The following UNC13C variants were observed in gnomAD, a reference collection of about 807,000 sequenced individuals.
The protein encoded by UNC13C is protein unc-13 homolog C.
UNC13C carries 174 observed loss-of-function variants against 245.4 expected under a neutral mutation model. The ratio of observed to expected loss-of-function variants is 0.71; its 90% CI spans 0.63 to 0.80. The LOEUF is 0.80. UNC13C is among the 30% of genes least tolerant of loss of function. UNC13C has a pLI of 0.00. For synonymous variants in UNC13C, 992 were observed against 895.1 expected (o/e 1.11, Z -1.93); for missense variants, 2,829 against 2,602.9 (o/e 1.09, Z -1.89).
intron 18 of UNC13C, among the ~76,000 whole-genome samples, chr15:54,403,874 C>T (rs923392417): frequency 2.6e-5 from 4 of 151,984 alleles, no homozygotes; most frequent in African/African-American, 9.7e-5. Flanking sequence ...TCAAATGGCA[C>T]TTATGATCAA....
chr15:54,321,139 G>A (rs1203156329), intron 13 of UNC13C: 2 of 516,874 alleles, frequency 3.9e-6, no homozygotes, highest in African/African-American at 1.9e-5. Context: ...CTCTTGCTCT[G>A]ACAGGGCTTT....
At chr15:53,885,562 G>A in the UNC13C span, among the ~76,000 whole-genome samples, 13 of 152,152 alleles carry the variant, frequency 8.5e-5, no homozygotes, top group Non-Finnish European at 1.5e-4. Context: ...TAAAACCTAA[G>A]CATAAAATAG....
rs961032078 is a variant in UNC13C, at chr15:54,130,475, G to C, written c.2984-12543G>C. ...GCCTGGCTAATTTTTTGTATTTTTA[G>C]TAGAGTCGAGGTTTCACCGTGTTAG... On this transcript the variant is annotated intron_variant, in intron 2 of 32. Transcript: ENST00000260323. Among the ~76,000 whole-genome samples, 4 of 151,740 alleles carry C rather than the reference G, an allele frequency of 2.6e-5. No individual in the cohort carries two copies. In the East Asian group the frequency reaches 7.8e-4, roughly 29 times the overall value.
the UNC13C span, among the ~76,000 whole-genome samples, chr15:53,970,052 C>CT: frequency 9.1e-3 from 1,312 of 143,480 alleles, 23 homozygotes; most frequent in African/African-American, 0.027. Flanking sequence ...ACAAGTTTTC[C>CT]TTTTTTTTTT....
chr15:54,113,082 C>T (rs561114890), intron 2 of UNC13C, among the ~76,000 whole-genome samples: 29 of 129,908 alleles, frequency 2.2e-4, no homozygotes, highest in Admixed American at 5.2e-4. Context: ...TCATGTTAGG[C>T]GAGATTTTTT....
At chr15:54,549,257 CG>C (rs1445162352) in intron 27 of UNC13C, among the ~76,000 whole-genome samples, 6 of 152,068 alleles carry the variant, frequency 3.9e-5, no homozygotes, top group East Asian at 3.8e-4. Context: ...TCTTTAGCCC[CG>C]TATCTTCAGA....
At chr15:54,055,886 T>C (rs573312358) in intron 2 of UNC13C, among the ~76,000 whole-genome samples, 1 of 152,116 alleles carries the variant, frequency 6.6e-6, no homozygotes, top group African/African-American at 2.4e-5. Context: ...TCAGGACACC[T>C]GATGATGAAA....
rs1035627152 is a variant in UNC13C, at chr15:54,044,067, C to T, written c.2983+28181C>T. Among the ~76,000 whole-genome samples, 22 of 152,124 alleles carry T rather than the reference C, an allele frequency of 1.4e-4. 1 individual carries two copies. Among genetic ancestry groups the T allele is most frequent in the Admixed American group, 9.2e-4 (14 of 15,272 alleles). ...CAAAAAGAAACCCCATGTTTATTGTCGTCACTCTCTTTTTCCCCTGCCCCC... is the reference window on the plus strand; with the variant it reads ...CAAAAAGAAACCCCATGTTTATTGTTGTCACTCTCTTTTTCCCCTGCCCCC... On this transcript the variant is annotated intron_variant, in intron 2 of 32. Coordinates refer to ENST00000260323, the MANE Select transcript of UNC13C (RefSeq NM_001080534.3).
intron 19 of UNC13C, among the ~76,000 whole-genome samples, chr15:54,481,588 A>G (rs1267981414): frequency 2.0e-5 from 3 of 152,086 alleles, no homozygotes; most frequent in African/African-American, 4.8e-5. Flanking sequence ...AGGGCGCAAT[A>G]TAGTCTGGTG....
chr15:54,582,501 C>T (rs539480817), intron 30 of UNC13C, among the ~76,000 whole-genome samples: 9 of 152,008 alleles, frequency 5.9e-5, no homozygotes, highest in Non-Finnish European at 1.3e-4. Flanking sequence ...TGAGGAAGGG[C>T]GCACAGTGAG....
chr15:54,417,952 T>A (rs1479654231), intron 19 of UNC13C, among the ~76,000 whole-genome samples: 6 of 152,086 alleles, frequency 3.9e-5, no homozygotes. Flanking sequence ...TGAGACGGAG[T>A]CTAGCTCTGT....
chr15:54,259,477 TCC>T (rs757584454), intron 8 of UNC13C, among the ~76,000 whole-genome samples: 7 of 152,146 alleles, frequency 4.6e-5, no homozygotes, highest in Non-Finnish European at 1.0e-4. Context: ...GAAAGGGGTT[TCC>T]CCTTATAAAA....
intron 19 of UNC13C, among the ~76,000 whole-genome samples, chr15:54,440,154 A>G (rs1890438093): frequency 6.6e-6 from 1 of 151,838 alleles, no homozygotes; most frequent in South Asian, 2.1e-4. Context: ...AGTGTCTAGA[A>G]TTTCTCCTGC....
At chr15:54,474,869 A>T (rs983384967) in intron 19 of UNC13C, among the ~76,000 whole-genome samples, 1 of 152,022 alleles carries the variant, frequency 6.6e-6, no homozygotes, top group African/African-American at 2.4e-5. Flanking sequence ...AGCAGGCATC[A>T]CACGACAAGA....
the UNC13C span, among the ~76,000 whole-genome samples, chr15:53,874,818 A>G: frequency 3.9e-5 from 6 of 152,292 alleles, no homozygotes; most frequent in South Asian, 4.1e-4. Context: ...AATCTTGGCT[A>G]GGCGCGGTGG....
At position 54,525,554 on chromosome 15, in the gene UNC13C, T is replaced by G; in HGVS notation, c.5463T>G (p.Asp1821Glu). ...TGTTTATGGTCTCTCTGCAGCTAGA[T>G]TCTGAAGCTAGTACTATTCTAAAAG... is the stretch of plus-strand genomic sequence containing the variant. ...MFESMGGKEL[D>E]SEASTILKEL... is the part of the protein sequence containing the mutation. The change falls in exon 25 of 33, where the codon GAT (aspartate) becomes GAG (glutamate). Residue 1821 changes from aspartate (D) to glutamate (E), a missense_variant. By Grantham distance (45) the Asp-to-Glu change is conservative. Coordinates refer to ENST00000260323, the MANE Select transcript of UNC13C (RefSeq NM_001080534.3). 1 of 1,611,762 alleles carries G rather than the reference T, an allele frequency of 6.2e-7. No individual in the cohort carries two copies.
At chr15:54,217,960 A>G (rs16974322) in intron 4 of UNC13C, among the ~76,000 whole-genome samples, 30,479 of 151,848 alleles carry the variant, frequency 0.2, 4,519 homozygotes, top group African/African-American at 0.41. Flanking sequence ...TAATGTCAAG[A>G]CCTATTCACC....
At chr15:54,128,911 A>AGGCCTCTCAACTGGGTCATTCTCC (rs2031235737) in intron 2 of UNC13C, among the ~76,000 whole-genome samples, 1 of 152,156 alleles carries the variant, frequency 6.6e-6, no homozygotes, top group African/African-American at 2.4e-5. Flanking sequence ...ACTCTCAACT[A>AGGCCTCTCAACTGGGTCATTCTCC]GGCCTCTCAA....
At chr15:54,092,900 A>T (rs1194575907) in intron 2 of UNC13C, among the ~76,000 whole-genome samples, 1 of 152,080 alleles carries the variant, frequency 6.6e-6, no homozygotes, top group Non-Finnish European at 1.5e-5. Context: ...GATAGGGGAA[A>T]TTTTTTTACT....
Sources: allele counts gnomAD v4.1 joint callset (sites outside exome capture counted in the v4.1 genomes callset), GRCh38; gene constraint gnomAD v4.1.1; transcripts MANE v1.5; gene names NCBI Gene and HGNC (gene_info 2026-07-23, HGNC 2026-07-21).